The following BMERB1 variants were observed in gnomAD, a reference collection of about 807,000 sequenced individuals.
BMERB1 encodes bMERB domain containing 1.
Under a neutral mutation model 23.6 loss-of-function variants are expected in BMERB1, and 12 were observed. The ratio of observed to expected loss-of-function variants is 0.51; its 90% CI spans 0.33 to 0.82. The LOEUF is 0.82. Among genes scored for constraint, BMERB1 ranks in the 40% least tolerant of loss-of-function variants. BMERB1 has a pLI of 0.03. For missense variants in BMERB1, 247 were observed against 255.4 expected (o/e 0.97, Z 0.22); for synonymous variants, 122 against 96.6 (o/e 1.26, Z -1.54).
At chr16:15,577,211 C>G (rs2030888253) in intron 3 of BMERB1, 1 of 152,226 alleles carries the variant, frequency 6.6e-6, no homozygotes, top group African/African-American at 2.4e-5. Context: ...ATGGGCACAG[C>G]TGCCAGCATT....
intron 1 of BMERB1, among the ~76,000 whole-genome samples, chr16:15,469,001 T>C (rs947837902): frequency 6.7e-6 from 1 of 149,574 alleles, no homozygotes; most frequent in African/African-American, 2.5e-5. Flanking sequence ...AGATCCTTGC[T>C]GTGTTGCCCA....
intron 2 of BMERB1, among the ~76,000 whole-genome samples, chr16:15,564,763 C>T (rs2030518331): frequency 6.6e-6 from 1 of 152,174 alleles, no homozygotes; most frequent in African/African-American, 2.4e-5. Flanking sequence ...ATATGTAAGA[C>T]TTGGCTCATA....
chr16:15,570,174 T>G (rs1238913431), intron 3 of BMERB1, among the ~76,000 whole-genome samples: 2 of 152,168 alleles, frequency 1.3e-5, no homozygotes, highest in African/African-American at 4.8e-5. Context: ...TGCTGTCAGT[T>G]CAATAACTAT....
At position 15,529,126 on chromosome 16, in the gene BMERB1, G is replaced by T. The variant is rs142784120; in HGVS notation, c.230+13698G>T. 2.6e-5 allele frequency among the ~76,000 whole-genome samples: 4 copies of T among 152,170 alleles called. No individual in the cohort carries two copies. The East Asian group carries it at 7.7e-4, about 29-fold the overall frequency. ...TGCAAGCTCTGCCTCCCAGGTTCAC[G>T]CCATTCTCCTGCCTCAGCCTCCCGA... On this transcript the variant is annotated intron_variant, in intron 2 of 5. Coordinates refer to ENST00000300006, the MANE Select transcript of BMERB1 (RefSeq NM_033201.3).
intron 2 of BMERB1, among the ~76,000 whole-genome samples, chr16:15,558,418 A>G (rs536136710): frequency 6.6e-5 from 10 of 152,152 alleles, no homozygotes; most frequent in African/African-American, 1.9e-4. Flanking sequence ...ATACATAGCC[A>G]AGCTTCCTGG....
intron 1 of BMERB1, among the ~76,000 whole-genome samples, chr16:15,471,109 T>C (rs1298827919): frequency 1.3e-5 from 2 of 152,120 alleles, no homozygotes; most frequent in Non-Finnish European, 2.9e-5. Flanking sequence ...AGTGCTAGGA[T>C]TACAGGCGTC....
intron 2 of BMERB1, among the ~76,000 whole-genome samples, chr16:15,523,280 G>A (rs551071358): frequency 1.3e-5 from 2 of 152,150 alleles, no homozygotes; most frequent in Admixed American, 6.5e-5. Flanking sequence ...AGCTCTTGAC[G>A]TCCAGCAGCT....
At chr16:15,475,706 G>A (rs1003384044) in intron 1 of BMERB1, among the ~76,000 whole-genome samples, 1 of 152,138 alleles carries the variant, frequency 6.6e-6, no homozygotes. Flanking sequence ...TCCACTGGGT[G>A]GGGGATGGAG....
At chr16:15,451,857 T>C (rs140390330) in intron 1 of BMERB1, among the ~76,000 whole-genome samples, 3,131 of 150,894 alleles carry the variant, frequency 0.021, 134 homozygotes, top group African/African-American at 0.074. Context: ...ATTAGAGGCA[T>C]GAGCCACTGC....
Position 15,587,071 on chromosome 16 carries a change from TCA to T in BMERB1, c.*244_*245del. 1 of 503,490 alleles carries T rather than the reference TCA, an allele frequency of 2.0e-6. No homozygotes were observed. Among genetic ancestry groups the T allele is most frequent in the Admixed American group, 3.7e-5 (1 of 27,030 alleles). The allele number at this position is 503,490 out of a possible 1,614,324, so 31.2% of individuals were successfully genotyped here. A position where few individuals can be genotyped will look rare whatever the true frequency, so the allele number is the denominator to read the frequency against. On this transcript the variant is annotated 3_prime_UTR_variant, in exon 6 of 6. Transcript: ENST00000300006. ...AGCATGCCGAACCCAGGAGTCTGTC[TCA>T]CTGTTTATCCAAACACCAGGAAAGG...
chr16:15,473,583 G>A lies in BMERB1; in HGVS notation c.106+38824G>A, dbSNP rs920129071. Among the ~76,000 whole-genome samples the A allele has an allele frequency of 4.6e-5, 7 of 152,098 alleles. No individual in the cohort carries two copies. In the South Asian group the frequency reaches 6.2e-4, roughly 14 times the overall value. On this transcript the variant is annotated intron_variant, in intron 1 of 5. Transcript: ENST00000300006. ...GCTGGGATTACAGGTGTGAGCCACC[G>A]TGCCTGGCCCCTTTAGCCATTCTTT...
intron 2 of BMERB1, among the ~76,000 whole-genome samples, chr16:15,546,994 A>G (rs1246579832): frequency 1.5e-4 from 23 of 150,898 alleles, no homozygotes; most frequent in Non-Finnish European, 7.4e-5. Context: ...CCTTTGTATA[A>G]GGGCACTGGC....
intron 2 of BMERB1, among the ~76,000 whole-genome samples, chr16:15,524,661 T>G (rs1195456818): frequency 6.6e-6 from 1 of 152,114 alleles, no homozygotes; most frequent in Non-Finnish European, 1.5e-5. Flanking sequence ...TCCCAGCTAC[T>G]CGAGAGGCTT....
Position 15,506,698 on chromosome 16 carries a change from GA to G in BMERB1, c.107-8594del, listed in dbSNP as rs77682394. 8.0e-3 allele frequency among the ~76,000 whole-genome samples: 1,093 copies of G among 136,538 alleles called. 19 individuals are homozygous for G. The highest frequency in any genetic ancestry group is 0.039 in the South Asian group (170 of 4,334). 89.6% of individuals were successfully genotyped at this position (136,538 alleles called of 152,430 possible). A position where few individuals can be genotyped will look rare whatever the true frequency, so the allele number is the denominator to read the frequency against. On this transcript the variant is annotated intron_variant, in intron 1 of 5. Transcript: ENST00000300006. ...CTTACCCCTTCCTAATAATTTCCCAGAAAAAAAAAAAAAGAATAGGGATGTA... is the reference window on the plus strand; with the variant it reads ...CTTACCCCTTCCTAATAATTTCCCAGAAAAAAAAAAAAGAATAGGGATGTA...
At chr16:15,576,336 C>T (rs1259692305) in intron 3 of BMERB1, among the ~76,000 whole-genome samples, 3 of 152,052 alleles carry the variant, frequency 2.0e-5, no homozygotes, top group African/African-American at 7.2e-5. Context: ...TGTGAGCCAC[C>T]GCGCCTAGCC....
chr16:15,500,354 T>G (rs72774893), intron 1 of BMERB1, among the ~76,000 whole-genome samples: 6,100 of 152,264 alleles, frequency 0.04, 142 homozygotes, highest in Non-Finnish European at 0.052. Context: ...GTGTGACCTG[T>G]GGCTCCACCC....
intron 1 of BMERB1, among the ~76,000 whole-genome samples, chr16:15,503,286 AT>A (rs376190337): frequency 1.0e-3 from 145 of 145,022 alleles, no homozygotes; most frequent in Middle Eastern, 3.5e-3. Flanking sequence ...ACATCCAAGG[AT>A]TTTTTTTTTT....
intron 1 of BMERB1, among the ~76,000 whole-genome samples, chr16:15,483,693 TTTGAGTCCC>T (rs1370634951): frequency 2.0e-5 from 3 of 152,188 alleles, no homozygotes; most frequent in African/African-American, 7.2e-5. Flanking sequence ...AAAATCTATG[TTTGAGTCCC>T]AGCTCTCTGC....
chr16:15,509,259 G>A (rs1286745688), intron 1 of BMERB1, among the ~76,000 whole-genome samples: 2 of 141,548 alleles, frequency 1.4e-5, no homozygotes, highest in Non-Finnish European at 3.0e-5. Context: ...ACTTTCGCAG[G>A]CACAAATGCA....
Sources: gnomAD v4.1 joint callset for allele counts (sites outside exome capture counted in the v4.1 genomes callset) on GRCh38, gnomAD v4.1.1 for gene constraint, MANE v1.5 for transcripts, NCBI Gene and HGNC (gene_info 2026-07-23, HGNC 2026-07-21) for gene names.